Variants in FAM161A observed in about 807,000 individuals in gnomAD.
The protein encoded by FAM161A is protein FAM161A.
In FAM161A, 57 loss-of-function variants were observed where a neutral mutation model predicts 70.9. That is an observed-to-expected ratio of 0.80 (90% confidence interval 0.65 to 1.00). The LOEUF (loss-of-function observed/expected upper bound fraction) is 1.00, where lower values mean the gene tolerates loss of function less well. Ranked by LOEUF, FAM161A falls within the 50% of genes least tolerant of loss-of-function variation. The pLI, the probability that FAM161A is intolerant of heterozygous loss-of-function variation, is 0.00. For missense variants in FAM161A, 880 were observed against 836.0 expected, an observed-to-expected ratio of 1.05 and a Z score of -0.65; for synonymous variants, 299 against 295.7, an observed-to-expected ratio of 1.01 and a Z score of -0.12.
intron 1 of FAM161A, among the ~76,000 whole-genome samples, chr2:61,849,465 C>T (rs566202549): frequency 2.2e-4 from 33 of 151,466 alleles, no homozygotes; most frequent in Non-Finnish European, 3.8e-4. Flanking sequence ...CATAGTGAGA[C>T]CTTTATTTTA....
chr2:61,809,681 C>T, the FAM161A span, among the ~76,000 whole-genome samples: 1 of 152,172 alleles, frequency 6.6e-6, no homozygotes, highest in Non-Finnish European at 1.5e-5. Context: ...ATTTCCTTTG[C>T]AATGTGACTT....
At chr2:61,823,362 C>CATATATATATATATATATAT (rs59631970), downstream of FAM161A, among the ~76,000 whole-genome samples, 84 of 120,016 alleles carry the variant, frequency 7.0e-4, no homozygotes, top group South Asian at 3.9e-3. Context: ...AATTTTCCAT[C>CATATATATATATATATATAT]ATATATATAT....
intron 1 of FAM161A, among the ~76,000 whole-genome samples, chr2:61,850,253 G>C (rs186285014): frequency 1.3e-4 from 19 of 151,930 alleles, no homozygotes; most frequent in Non-Finnish European, 4.4e-5. Context: ...AAAATTAGCC[G>C]GGCGTGGTGG....
intron 1 of FAM161A, among the ~76,000 whole-genome samples, chr2:61,848,003 C>A (rs1176496663): frequency 6.6e-6 from 1 of 152,112 alleles, no homozygotes; most frequent in African/African-American, 2.4e-5. Context: ...AGCTATATTC[C>A]ACCAAGTATT....
intron 5 of FAM161A, 49 bp downstream of exon 5, chr2:61,835,958 TAAA>T (rs11299120): frequency 1.5e-3 from 1,586 of 1,044,834 alleles, no homozygotes; most frequent in Non-Finnish European, 1.8e-3. Flanking sequence ...GCTAAAGCTG[TAAA>T]AAAAAAAAAA....
intron 5 of FAM161A, among the ~76,000 whole-genome samples, chr2:61,833,403 G>A (rs1003299300): frequency 2.7e-5 from 4 of 146,474 alleles, no homozygotes; most frequent in Non-Finnish European, 6.0e-5. Context: ...TCCAGCCTGG[G>A]TGACAGAGTG....
At position 61,840,072 on chromosome 2, in the gene FAM161A, T is replaced by G; in HGVS notation, c.932A>C (p.Lys311Thr). Residue 311 changes from lysine to threonine, a missense_variant, in exon 3 of 7, where the codon AAG (lysine) becomes ACG (threonine). Transcript: ENST00000404929. ...CAAAAGAGCTTCTTTGCTTTTCTCC[T>G]TCAGAGACCTTCTCCGTTCTTCTTT... ...KQKEERRRSL[K>T]EKSKEALLAS... 6.2e-7 allele frequency: 1 copy of G among 1,614,208 alleles called. No individual in the cohort carries two copies. Among genetic ancestry groups the G allele is most frequent in the South Asian group, 1.1e-5 (1 of 91,086 alleles).
the FAM161A span, among the ~76,000 whole-genome samples, chr2:61,804,335 G>T: frequency 6.6e-6 from 1 of 152,096 alleles, no homozygotes; most frequent in African/African-American, 2.4e-5. Flanking sequence ...CTTAGAGAAT[G>T]CCTTAACCGT....
chr2:61,833,511 C>T (rs4671410), intron 5 of FAM161A, among the ~76,000 whole-genome samples: 142,664 of 151,810 alleles, frequency 0.94, 67,218 homozygotes, highest in East Asian at 1. Context: ...CACTGAATTC[C>T]GATCTAACTG....
rs1463029842 is a variant in FAM161A, at chr2:61,827,196, A to T, written c.1914T>A (p.Ser638=). The change falls in exon 6 of 7, where the codon TCT becomes TCA. Residue 638 remains serine (S), a synonymous_variant. Transcript: ENST00000404929. ...GGCCTTTCTTTGAAACAAACTCATC[A>T]GATATTCCTAGTGCTTTTAGGGTAT... is the stretch of plus-strand genomic sequence containing the variant. ...YSNTLKALGI[S]DEFVSKKGQS... 1.2e-6 allele frequency: 2 copies of T among 1,613,960 alleles called. No individual in the cohort carries two copies. Among genetic ancestry groups the T allele is most frequent in the Non-Finnish European group, 1.7e-6 (2 of 1,179,966 alleles).
At chr2:61,839,302 T>G in intron 3 of FAM161A, 119 bp downstream of exon 3, 1 of 850,720 alleles carries the variant, frequency 1.2e-6, no homozygotes, top group Non-Finnish European at 1.9e-6. Context: ...TAGTAAAATA[T>G]CTTATAGATA....
chr2:61,808,105 G>A, the FAM161A span, among the ~76,000 whole-genome samples: 9,319 of 152,230 alleles, frequency 0.061, 346 homozygotes, highest in African/African-American at 0.07. Flanking sequence ...CAGTGATGGC[G>A]TGAGGCAGTG....
chr2:61,807,152 C>G, the FAM161A span, among the ~76,000 whole-genome samples: 2 of 152,038 alleles, frequency 1.3e-5, no homozygotes, highest in Admixed American at 1.3e-4. Context: ...TTCAGGAGGG[C>G]TTGCTAATTG....
the FAM161A span, among the ~76,000 whole-genome samples, chr2:61,817,118 G>T: frequency 0.41 from 62,740 of 152,042 alleles, 13,389 homozygotes; most frequent in African/African-American, 0.52. Context: ...TCCATTCTCG[G>T]TCAGATGGCA....
chr2:61,842,113 C>T lies in FAM161A; in HGVS notation c.422+9G>A. 1.4e-6 allele frequency: 2 copies of T among 1,462,442 alleles called. No individual in the cohort carries two copies. Among genetic ancestry groups the T allele is most frequent in the Non-Finnish European group, 9.6e-7 (1 of 1,041,726 alleles). The allele number at this position is 1,462,442 out of a possible 1,614,324, so 90.6% of individuals were successfully genotyped here. ...ATACTCCACAAATAACATTGAGTTA[C>T]AAGCTTACCTGGAAGAGTCACTAAG... On this transcript the variant is annotated intron_variant, in intron 2 of 6. Transcript: ENST00000404929.
Position 61,853,901 on chromosome 2 carries a change from C to T in FAM161A, c.141G>A (p.Glu47=). The change falls in exon 1 of 7, where the codon GAG becomes GAA. Residue 47 remains glutamate, a synonymous_variant. Transcript: ENST00000404929. ...GAGCCACTTTCTCCTCCTCTTCGTC[C>T]TCCAAGATCGCCTCCGCTGCCGCCA... is the stretch of plus-strand genomic sequence containing the variant. ...KALAAAEAIL[E]DEEEEKVAQP... 3 of 1,614,010 alleles carry T rather than the reference C, an allele frequency of 1.9e-6. No homozygotes were observed. The highest frequency in any genetic ancestry group is 2.2e-5 in the South Asian group (2 of 91,090).
In FAM161A at chr2:61,825,835, C is replaced by T. The variant is rs1672339110; in HGVS notation, c.*620G>A. 2.3e-6 allele frequency: 1 copy of T among 439,748 alleles called. No homozygotes were observed. Among genetic ancestry groups the T allele is most frequent in the Non-Finnish European group, 4.5e-6 (1 of 220,338 alleles). 27.2% of individuals were successfully genotyped at this position (439,748 alleles called of 1,614,324 possible). ...TGTATTTTTAGTAGAGACGGGGTTT[C>T]ATCGTGTTAGCCAGGATGGTCTCGA... is the stretch of plus-strand genomic sequence containing the variant. On this transcript the variant is annotated 3_prime_UTR_variant, in exon 7 of 7. Transcript: ENST00000404929.
the FAM161A span, among the ~76,000 whole-genome samples, chr2:61,812,151 C>T: frequency 1.3e-5 from 2 of 152,136 alleles, no homozygotes; most frequent in African/African-American, 2.4e-5. Flanking sequence ...AACTCTCCCC[C>T]AGTCACTCTT....
At chr2:61,818,860 C>T in the FAM161A span, among the ~76,000 whole-genome samples, 16 of 152,226 alleles carry the variant, frequency 1.1e-4, no homozygotes, top group Non-Finnish European at 1.5e-5. Flanking sequence ...CTGACACTAC[C>T]CGGTTACTTA....
Sources: allele counts gnomAD v4.1 joint callset (sites outside exome capture counted in the v4.1 genomes callset), GRCh38; gene constraint gnomAD v4.1.1; transcripts MANE v1.5; gene names NCBI Gene and HGNC (gene_info 2026-07-23, HGNC 2026-07-21).